The following SLC6A12 variants were observed in gnomAD, a reference collection of about 807,000 sequenced individuals.
SLC6A12 encodes sodium- and chloride-dependent betaine transporter.
In SLC6A12, 50 loss-of-function variants were observed where a neutral mutation model predicts 73.3. The observed-to-expected ratio is 0.68, with a 90% CI of 0.54 to 0.86. The LOEUF (loss-of-function observed/expected upper bound fraction) is 0.86, where lower values mean the gene tolerates loss of function less well. Ranked by LOEUF, SLC6A12 falls within the 40% of genes least tolerant of loss-of-function variation. The pLI, the probability that SLC6A12 is intolerant of heterozygous loss-of-function variation, is 0.00. For synonymous variants in SLC6A12, 304 were observed against 309.2 expected, an observed-to-expected ratio of 0.98 and a Z score of 0.18; for missense variants, 648 against 772.8, an observed-to-expected ratio of 0.84 and a Z score of 1.92.
chr12:202,951 G>A, intron 4 of SLC6A12, 71 bp from the exon 5 acceptor site: 2 of 1,427,036 alleles, frequency 1.4e-6, no homozygotes, highest in Non-Finnish European at 1.9e-6. Context: ...CATAGAAGCT[G>A]CCAGTTGAGG....
In SLC6A12 at chr12:200,757, C is replaced by A; in HGVS notation, c.605G>T (p.Gly202Val). ...GCGCAGGGAGCCCAGGTCATGGATGCCCGAGGTGATGCCCAGAACTCGTCT... is the reference window on the plus strand; with the variant it reads ...GCGCAGGGAGCCCAGGTCATGGATGACCGAGGTGATGCCCAGAACTCGTCT... The part of the protein sequence containing the change: ...WERRVLGITS[G>V]IHDLGSLRWE... Residue 202 changes from glycine to valine, a missense_variant, in exon 7 of 16, where the codon GGC becomes GTC. By Grantham distance (109) the Gly-to-Val change is moderately radical. Coordinates refer to ENST00000684302, the MANE Select transcript of SLC6A12 (RefSeq NM_001122848.3). 1 of 1,613,834 alleles carries A rather than the reference C, an allele frequency of 6.2e-7. No individual in the cohort carries two copies. Among genetic ancestry groups the A allele is most frequent in the Non-Finnish European group, 8.5e-7 (1 of 1,179,906 alleles).
intron 12 of SLC6A12, 21 bp from the exon 13 acceptor site, chr12:195,348 T>C: frequency 6.7e-7 from 1 of 1,499,274 alleles, no homozygotes; most frequent in Non-Finnish European, 9.3e-7. Flanking sequence ...AGCGTGGAGC[T>C]GGGGCATGGC....
At chr12:186,381 G>C (rs527976857), downstream of SLC6A12, among the ~76,000 whole-genome samples, 8 of 152,306 alleles carry the variant, frequency 5.3e-5, no homozygotes, top group Non-Finnish European at 8.8e-5. Flanking sequence ...TCCAAGGATA[G>C]GTATTATCTA....
At chr12:202,189 G>T (rs868610232) in intron 5 of SLC6A12, among the ~76,000 whole-genome samples, 4 of 152,134 alleles carry the variant, frequency 2.6e-5, no homozygotes, top group Non-Finnish European at 4.4e-5. Context: ...GCAGGCCAAG[G>T]GACTGCGGCC....
At position 198,712 on chromosome 12, in the gene SLC6A12, G is replaced by A; in HGVS notation, c.846+85C>T. On this transcript the variant is annotated intron_variant, in intron 8 of 15. Coordinates refer to ENST00000684302, the MANE Select transcript of SLC6A12 (RefSeq NM_001122848.3). This position sits in a 1 kb window ranked among gnomAD's most constrained non-coding sequence, Gnocchi z 4.0. ...GGGCATTTATTGCTTTTAAACCAAG[G>A]AAAAAGCTATACAAGACTTTCAAAA... 1.6e-6 allele frequency: 2 copies of A among 1,213,192 alleles called. No homozygotes were observed. Among genetic ancestry groups the A allele is most frequent in the East Asian group, 2.5e-5 (1 of 40,200 alleles). The allele number at this position is 1,213,192 out of a possible 1,614,324, so 75.2% of individuals were successfully genotyped here. A position where few individuals can be genotyped will look rare whatever the true frequency, so the allele number is the denominator to read the frequency against.
chr12:184,765 A>T, the SLC6A12 span, among the ~76,000 whole-genome samples: 7 of 151,650 alleles, frequency 4.6e-5, no homozygotes, highest in African/African-American at 1.7e-4. Flanking sequence ...TAAATAAATA[A>T]AAAAATAAAA....
downstream of SLC6A12, among the ~76,000 whole-genome samples, chr12:186,950 T>C (rs1939441944): frequency 1.3e-5 from 2 of 152,152 alleles, no homozygotes; most frequent in Admixed American, 6.5e-5. Context: ...TGCTGTCCCT[T>C]GCGTCGCACC....
chr12:201,243 G>C, intron 6 of SLC6A12: 2 of 199,482 alleles, frequency 1.0e-5, no homozygotes, highest in Non-Finnish European at 2.0e-5. Context: ...GGTTAGCTCA[G>C]TGTGAGAGAG....
Position 192,564 on chromosome 12 carries a change from C to T in SLC6A12, c.1615G>A (p.Gly539Ser). The change falls in exon 15 of 16, where the codon GGC becomes AGC. Residue 539 changes from glycine to serine, a missense_variant. Physicochemically the swap from Gly to Ser is moderately conservative, Grantham distance 56. Transcript: ENST00000684302. ...ATGGAGGACAGAGCCAGGAACCAGC[C>T]AATGGAGTATCCCCAGGGCGGGTAC... ...YVYPPWGYSI[G>S]WFLALSSMVC... 1 of 1,614,090 alleles carries T rather than the reference C, an allele frequency of 6.2e-7. No homozygotes were observed. The highest frequency in any genetic ancestry group is 8.5e-7 in the Non-Finnish European group (1 of 1,180,010).
chr12:203,051 T>A (rs1364139936), intron 4 of SLC6A12, among the ~76,000 whole-genome samples, 171 bp from the exon 5 acceptor site: 2 of 140,902 alleles, frequency 1.4e-5, no homozygotes, highest in Non-Finnish European at 3.0e-5. Context: ...TTCTTTCTTT[T>A]TTCTTTTCTT....
In SLC6A12 at chr12:202,893, G is replaced by C. The variant is rs533425065; in HGVS notation, c.350-13C>G. 17 of 1,612,922 alleles carry C rather than the reference G, an allele frequency of 1.1e-5. No individual in the cohort carries two copies. In the African/African-American group the frequency reaches 1.9e-4, roughly 18 times the overall value. The stretch of plus-strand genomic sequence containing the variant: ...GCCAGACCAATGCCTTCCAGAGTGG[G>C]GGAGAGATGGGGAGGGACAAGAGAG... On this transcript the variant is annotated splice_polypyrimidine_tract_variant and intron_variant, in intron 4 of 15. Coordinates refer to ENST00000684302, the MANE Select transcript of SLC6A12 (RefSeq NM_001122848.3).
In SLC6A12 at chr12:197,198, C is replaced by CCATCCATCCATCT. The variant is rs1565469239; in HGVS notation, c.1075+178_1075+179insAGATGGATGGATG. On this transcript the variant is annotated intron_variant, in intron 10 of 15. Transcript: ENST00000684302. ...CCATCCATCCATCCATCCATCCATT[C>CCATCCATCCATCT]ATCCATCCATGGAAGCCCTGCTTTG... Among the ~76,000 whole-genome samples, 3 of 71,110 alleles carry CCATCCATCCATCT rather than the reference C, an allele frequency of 4.2e-5. 1 individual carries two copies. The highest frequency in any genetic ancestry group is 1.2e-4 in the African/African-American group (2 of 16,318). 46.7% of individuals were successfully genotyped at this position (71,110 alleles called of 152,430 possible).
chr12:210,117 C>G, intron 2 of SLC6A12, 74 bp from the exon 3 acceptor site: 1 of 1,448,132 alleles, frequency 6.9e-7, no homozygotes, highest in South Asian at 1.4e-5. Context: ...TCCCGATCTC[C>G]GCTGTCAGCA....
downstream of SLC6A12, among the ~76,000 whole-genome samples, chr12:188,903 A>C (rs1216347482): frequency 6.7e-6 from 1 of 150,272 alleles, no homozygotes; most frequent in Non-Finnish European, 1.5e-5. Context: ...ATCCCTTTGG[A>C]CTCATCCAGA....
chr12:187,556 C>T (rs1939452532), downstream of SLC6A12, among the ~76,000 whole-genome samples: 1 of 135,288 alleles, frequency 7.4e-6, no homozygotes, highest in South Asian at 2.5e-4. Flanking sequence ...TAGACCCAAA[C>T]AGTGAGCAGC....
chr12:200,941 T>C (rs1297792537), intron 6 of SLC6A12, among the ~76,000 whole-genome samples, 158 bp from the exon 7 acceptor site: 2 of 152,216 alleles, frequency 1.3e-5, no homozygotes, highest in Non-Finnish European at 2.9e-5. Flanking sequence ...CATGTTCCCG[T>C]AGACCAAACT....
At chr12:191,989 C>CTA (rs1349766058) in intron 15 of SLC6A12, among the ~76,000 whole-genome samples, 1 of 152,204 alleles carries the variant, frequency 6.6e-6, no homozygotes, top group African/African-American at 2.4e-5. Flanking sequence ...GGGTCATTGG[C>CTA]TATAGCTCCT....
intron 10 of SLC6A12, among the ~76,000 whole-genome samples, chr12:197,154 C>CATCT (rs1565469071): frequency 0.026 from 2,478 of 94,518 alleles, 114 homozygotes; most frequent in Non-Finnish European, 0.036. Context: ...TCCATCCATC[C>CATCT]ATCCATCCAT....
At chr12:199,124 AG>A (rs1281937521) in intron 7 of SLC6A12, 193 bp from the exon 8 acceptor site, 1 of 332,824 alleles carries the variant, frequency 3.0e-6, no homozygotes, top group Non-Finnish European at 5.9e-6. Context: ...CCAGGGTGTG[AG>A]ATACACATCA....
Sources: gnomAD v4.1 joint callset for allele counts (sites outside exome capture counted in the v4.1 genomes callset) on GRCh38, gnomAD v4.1.1 for gene constraint, Gnocchi (gnomAD v3.1) non-coding constraint, MANE v1.5 for transcripts, NCBI Gene and HGNC (gene_info 2026-07-23, HGNC 2026-07-21) for gene names.